The following NBEA variants were observed in gnomAD, a reference collection of about 807,000 sequenced individuals.
The protein encoded by NBEA is lysosomal-trafficking regulator 2.
NBEA carries 44 observed loss-of-function variants against 343.4 expected under a neutral mutation model. That is an observed-to-expected ratio of 0.13 (90% CI 0.10 to 0.16). The LOEUF is 0.16. NBEA is among the 10% of genes least tolerant of loss of function. The probability of loss-of-function intolerance (pLI) is 1.00; values close to 1 mark genes in which losing one functional copy is unlikely to be tolerated. For missense variants in NBEA, 2,555 were observed against 3,631.3 expected (o/e 0.70, Z 7.62); for synonymous variants, 1,175 against 1,238.7 (o/e 0.95, Z 1.08).
intron 34 of NBEA, among the ~76,000 whole-genome samples, chr13:35,288,090 T>C (rs889812756): frequency 1.3e-5 from 2 of 152,058 alleles, no homozygotes; most frequent in African/African-American, 4.8e-5. Context: ...ATGAGCTAAT[T>C]TGATTATGAA....
intron 1 of NBEA, among the ~76,000 whole-genome samples, chr13:35,029,972 A>G (rs956837204): frequency 6.6e-6 from 1 of 151,602 alleles, no homozygotes; most frequent in Admixed American, 6.6e-5. Context: ...AATTTTTTGA[A>G]GGCCTGGAGG....
At chr13:35,366,025 A>C (rs1311821424) in intron 38 of NBEA, among the ~76,000 whole-genome samples, 1 of 151,648 alleles carries the variant, frequency 6.6e-6, no homozygotes, top group African/African-American at 2.4e-5. Context: ...TTTTGAAGTC[A>C]TCTGTCATGG....
intron 41 of NBEA, among the ~76,000 whole-genome samples, chr13:35,541,483 A>T (rs575080232): frequency 1.3e-5 from 2 of 152,310 alleles, no homozygotes; most frequent in South Asian, 2.1e-4. Context: ...TTTATAAAAT[A>T]GGAAGCCTTC....
At chr13:35,628,574 T>C (rs1398913880) in intron 49 of NBEA, among the ~76,000 whole-genome samples, 1 of 152,216 alleles carries the variant, frequency 6.6e-6, no homozygotes, top group Non-Finnish European at 1.5e-5. Flanking sequence ...AATAGGAATA[T>C]TCCACATTAA....
At chr13:35,597,860 G>C (rs1389717408) in intron 47 of NBEA, among the ~76,000 whole-genome samples, 1 of 152,146 alleles carries the variant, frequency 6.6e-6, no homozygotes, top group African/African-American at 2.4e-5. Flanking sequence ...ATAAGGAAGA[G>C]TAGACACGGA....
intron 45 of NBEA, among the ~76,000 whole-genome samples, chr13:35,577,526 T>C (rs1295745346): frequency 2.0e-5 from 3 of 152,188 alleles, no homozygotes; most frequent in African/African-American, 7.2e-5. Flanking sequence ...AGCTTCTTAT[T>C]GATTTGTAAG....
At chr13:35,259,673 T>A (rs530607595) in intron 34 of NBEA, among the ~76,000 whole-genome samples, 34 of 152,230 alleles carry the variant, frequency 2.2e-4, no homozygotes, top group African/African-American at 7.9e-4. Flanking sequence ...AAATATATTA[T>A]AATTATTCTT....
intron 17 of NBEA, among the ~76,000 whole-genome samples, chr13:35,137,595 A>G (rs528726681): frequency 6.6e-6 from 1 of 152,204 alleles, no homozygotes; most frequent in South Asian, 2.1e-4. Flanking sequence ...AAAATTTAGT[A>G]TGAGTTTCTT....
chr13:35,353,800 T>C (rs1037203511), intron 38 of NBEA, among the ~76,000 whole-genome samples: 5 of 152,186 alleles, frequency 3.3e-5, no homozygotes, highest in African/African-American at 1.2e-4. Flanking sequence ...AGTATCACAC[T>C]GCTTGTACAA....
At chr13:35,527,168 G>A (rs1248405126) in intron 41 of NBEA, among the ~76,000 whole-genome samples, 3 of 152,152 alleles carry the variant, frequency 2.0e-5, no homozygotes, top group South Asian at 2.1e-4. Flanking sequence ...CATAAGAAGT[G>A]TGGCTGAGTC....
intron 41 of NBEA, among the ~76,000 whole-genome samples, chr13:35,541,221 T>C (rs1313917547): frequency 6.6e-6 from 1 of 151,712 alleles, no homozygotes; most frequent in African/African-American, 2.4e-5. Context: ...TATCTTTACA[T>C]ACATGTTTAC....
intron 51 of NBEA, among the ~76,000 whole-genome samples, chr13:35,648,967 G>A (rs1403023710): frequency 6.6e-6 from 1 of 151,994 alleles, no homozygotes; most frequent in Non-Finnish European, 1.5e-5. Context: ...CATGGCACAC[G>A]TTTACCTATG....
At position 34,942,745 on chromosome 13, in the gene NBEA, C is replaced by T. The variant is rs970513363; in HGVS notation, c.-76C>T. On this transcript the variant is annotated 5_prime_UTR_variant, in exon 1 of 59. Transcript: ENST00000379939. ...GGGCTCCGAGGCGACGGCCGGGGGGCGGGGGCCGAGGCAGGTATAACGGTA... is the reference window on the plus strand; with the variant it reads ...GGGCTCCGAGGCGACGGCCGGGGGGTGGGGGCCGAGGCAGGTATAACGGTA... 65 of 1,184,398 alleles carry T rather than the reference C, an allele frequency of 5.5e-5. No homozygotes were observed. Among genetic ancestry groups the T allele is most frequent in the Admixed American group, 4.7e-4 (11 of 23,376 alleles). 73.4% of individuals were successfully genotyped at this position (1,184,398 alleles called of 1,614,324 possible).
In NBEA at chr13:35,070,834, A is replaced by C; in HGVS notation, c.1553A>C (p.Gln518Pro). Residue 518 changes from glutamine to proline, a missense_variant, in exon 10 of 59, where the codon CAA becomes CCA. Around this residue, in one of 21 missense-constraint regions of NBEA, gnomAD observed 360 missense variants for 519.1 expected, o/e 0.69. Transcript: ENST00000379939. Reference sequence around the variant, plus strand: ...GATAATAGGCAGCTCAATGACAGTCAAGTGGAAACAACTGTCTGGTAAGTT... The same window carrying C: ...GATAATAGGCAGCTCAATGACAGTCCAGTGGAAACAACTGTCTGGTAAGTT... ...QLDNRQLNDSQVETTVCATLL... is the reference protein window; with the variant it reads ...QLDNRQLNDSPVETTVCATLL... The C allele has an allele frequency of 6.2e-7, 1 of 1,610,000 alleles. No individual in the cohort carries two copies. Among genetic ancestry groups the C allele is most frequent in the Non-Finnish European group, 8.5e-7 (1 of 1,178,590 alleles).
At chr13:35,665,938 T>C (rs2085330825) in intron 56 of NBEA, among the ~76,000 whole-genome samples, 1 of 152,130 alleles carries the variant, frequency 6.6e-6, no homozygotes, top group Non-Finnish European at 1.5e-5. Context: ...TCTTTGGAGT[T>C]TTTGTAGAAG....
intron 1 of NBEA, among the ~76,000 whole-genome samples, chr13:34,959,393 A>G (rs1425803222): frequency 6.6e-6 from 1 of 152,082 alleles, no homozygotes; most frequent in African/African-American, 2.4e-5. Context: ...GTCTTTCAAT[A>G]CTGGACTATA....
rs146301408 is a variant in NBEA at position 35,333,212 on chromosome 13, G to A, written c.5904-15896G>A. Among the ~76,000 whole-genome samples the A allele has an allele frequency of 2.0e-5, 3 of 152,026 alleles. No homozygotes were observed. The East Asian group carries it at 5.8e-4, about 29-fold the overall frequency. ...TTTTAGATCTCTAAGGGCTGCAAAG[G>A]TTAGAATTGTGAAATAAAATAAAGC... On this transcript the variant is annotated intron_variant, in intron 36 of 58. Coordinates refer to ENST00000379939, the MANE Select transcript of NBEA (RefSeq NM_001385012.1).
chr13:35,648,671 A>T lies in NBEA; in HGVS notation c.7771-984A>T, dbSNP rs923286447. ...CCATTAAGAAACATGTATGAAAGCTAAATAATGGTTATTTCCAGCCTCCCT... is the reference window on the plus strand; with the variant it reads ...CCATTAAGAAACATGTATGAAAGCTTAATAATGGTTATTTCCAGCCTCCCT... On this transcript the variant is annotated intron_variant, in intron 51 of 58. Transcript: ENST00000379939. 2.0e-5 allele frequency among the ~76,000 whole-genome samples: 3 copies of T among 152,332 alleles called. No individual in the cohort carries two copies. The East Asian group carries it at 5.8e-4, about 29-fold the overall frequency.
intron 40 of NBEA, among the ~76,000 whole-genome samples, chr13:35,452,689 C>T (rs1555268889): frequency 6.6e-6 from 1 of 152,142 alleles, no homozygotes; most frequent in Non-Finnish European, 1.5e-5. Flanking sequence ...GTTCTGTAGC[C>T]TCATATTGCT....
Sources: gnomAD v4.1 joint callset for allele counts (sites outside exome capture counted in the v4.1 genomes callset) on GRCh38, gnomAD v4.1.1 for gene constraint, gnomAD v4.1.1 regional missense constraint, MANE v1.5 for transcripts, NCBI Gene and HGNC (gene_info 2026-07-23, HGNC 2026-07-21) for gene names.